Variants in VPS35L observed in about 807,000 individuals in gnomAD.
VPS35L encodes the protein VPS35 endosomal protein-sorting factor-like.
VPS35L carries 83 observed loss-of-function variants against 133.0 expected under a neutral mutation model. The ratio of observed to expected loss-of-function variants is 0.62; its 90% confidence interval spans 0.52 to 0.75. The LOEUF (loss-of-function observed/expected upper bound fraction) is 0.75, where lower values mean the gene tolerates loss of function less well. VPS35L is among the 30% of genes least tolerant of loss of function. The probability of loss-of-function intolerance (pLI) is 0.00; values close to 1 mark genes in which losing one functional copy is unlikely to be tolerated. For missense variants in VPS35L, 1,083 were observed against 1,206.8 expected (o/e 0.90, Z 1.52); for synonymous variants, 423 against 449.9 (o/e 0.94, Z 0.76).
chr16:19,695,007 GAAAA>G lies in VPS35L; in HGVS notation c.2646+3549_2646+3552del, dbSNP rs556649295. ...GGTGACAGAACGAGACTCTGTTTCAGAAAAAAAAAAAAAAAAGACAGAGCTCAAG... is the reference window on the plus strand; with the variant it reads ...GGTGACAGAACGAGACTCTGTTTCAGAAAAAAAAAAAAGACAGAGCTCAAG... On this transcript the variant is annotated intron_variant, in intron 29 of 30. Coordinates refer to ENST00000417362, the MANE Select transcript of VPS35L (RefSeq NM_020314.7). Among the ~76,000 whole-genome samples, 28 of 130,374 alleles carry G rather than the reference GAAAA, an allele frequency of 2.1e-4. No homozygotes were observed. In the East Asian group the frequency reaches 6.1e-3, roughly 28 times the overall value. 85.5% of individuals were successfully genotyped at this position (130,374 alleles called of 152,430 possible).
intron 29 of VPS35L, among the ~76,000 whole-genome samples, chr16:19,692,525 T>C (rs922032225): frequency 2.6e-5 from 4 of 152,184 alleles, no homozygotes; most frequent in Non-Finnish European, 5.9e-5. Flanking sequence ...ACTGCTACAT[T>C]GCCCTCCTCA....
chr16:19,697,188 G>A (rs540687818), intron 29 of VPS35L, among the ~76,000 whole-genome samples: 1 of 152,326 alleles, frequency 6.6e-6, no homozygotes, highest in East Asian at 1.9e-4. Flanking sequence ...CTGATGATTG[G>A]GCTCTTTGCC....
chr16:19,657,002 G>A (rs918616635), intron 26 of VPS35L, among the ~76,000 whole-genome samples: 3 of 127,780 alleles, frequency 2.3e-5, no homozygotes, highest in South Asian at 2.4e-4. Flanking sequence ...GTCCTGCTCC[G>A]TCGTCCAGGC....
At chr16:19,568,304 C>A (rs1318774856) in intron 2 of VPS35L, among the ~76,000 whole-genome samples, 1 of 151,804 alleles carries the variant, frequency 6.6e-6, no homozygotes, top group Admixed American at 6.6e-5. Flanking sequence ...AACCGCCCCC[C>A]CCTTTTTTTT....
chr16:19,588,017 C>T (rs1043666391), intron 7 of VPS35L, among the ~76,000 whole-genome samples: 1 of 151,744 alleles, frequency 6.6e-6, no homozygotes, highest in African/African-American at 2.4e-5. Flanking sequence ...CCAGGGTGGT[C>T]TCGAACTCCT....
chr16:19,661,446 G>T (rs530787929), intron 26 of VPS35L, among the ~76,000 whole-genome samples: 2 of 152,140 alleles, frequency 1.3e-5, no homozygotes, highest in South Asian at 4.1e-4. Context: ...AGACAGAGGC[G>T]TATTGAAAGC....
chr16:19,686,214 C>T (rs1975454423), intron 28 of VPS35L, among the ~76,000 whole-genome samples: 1 of 152,114 alleles, frequency 6.6e-6, no homozygotes, highest in Non-Finnish European at 1.5e-5. Flanking sequence ...CTGTTCACTT[C>T]CTCATTCTAG....
chr16:19,594,916 G>C (rs1472450631), intron 8 of VPS35L, among the ~76,000 whole-genome samples: 1 of 151,990 alleles, frequency 6.6e-6, no homozygotes, highest in African/African-American at 2.4e-5. Context: ...AAGGCGGTGA[G>C]AGGGGAGAGG....
chr16:19,609,060 TA>T, intron 11 of VPS35L, 39 bp downstream of exon 11: 1 of 1,562,578 alleles, frequency 6.4e-7, no homozygotes. Context: ...ATAAAATTTC[TA>T]AAAATCTCCC....
chr16:19,691,101 G>A (rs7184323), intron 28 of VPS35L, among the ~76,000 whole-genome samples: 16,694 of 152,188 alleles, frequency 0.11, 1,123 homozygotes, highest in African/African-American at 0.19. Flanking sequence ...TGTCACCCCC[G>A]CTCCCCGCCA....
At chr16:19,666,912 CTTTCTTTCTTTCTTT>C (rs1974693783) in intron 26 of VPS35L, among the ~76,000 whole-genome samples, 20 of 101,812 alleles carry the variant, frequency 2.0e-4, no homozygotes, top group South Asian at 3.1e-4. Flanking sequence ...TTCTTTCTTT[CTTTCTTTCTTTCTTT>C]CTTTCTTCCT....
chr16:19,661,275 T>G (rs1398076743), intron 26 of VPS35L, among the ~76,000 whole-genome samples: 1 of 152,178 alleles, frequency 6.6e-6, no homozygotes, highest in Non-Finnish European at 1.5e-5. Context: ...CCCCTCTATT[T>G]TTTTTCCTCC....
chr16:19,567,389 T>C (rs895304712), intron 2 of VPS35L, among the ~76,000 whole-genome samples: 1 of 152,158 alleles, frequency 6.6e-6, no homozygotes, highest in East Asian at 1.9e-4. Flanking sequence ...AATAAGTTGA[T>C]AGATTGGGGT....
intron 14 of VPS35L, among the ~76,000 whole-genome samples, chr16:19,623,017 G>A (rs904049261): frequency 6.6e-6 from 1 of 152,098 alleles, no homozygotes; most frequent in Non-Finnish European, 1.5e-5. Context: ...CAGGCATCAC[G>A]TCCAGAGCCG....
At chr16:19,691,806 T>G (rs1187251982) in intron 29 of VPS35L, among the ~76,000 whole-genome samples, 1 of 136,394 alleles carries the variant, frequency 7.3e-6, no homozygotes, top group Non-Finnish European at 1.5e-5. Context: ...AGTCACCGTC[T>G]GAAATGTTCT....
intron 14 of VPS35L, 195 bp downstream of exon 14, chr16:19,617,003 G>T: frequency 1.3e-6 from 1 of 797,876 alleles, no homozygotes; most frequent in Non-Finnish European, 2.1e-6. Context: ...CATTTTGACA[G>T]CTGTGGAAGG....
intron 14 of VPS35L, among the ~76,000 whole-genome samples, chr16:19,619,033 C>T (rs1343575407): frequency 1.3e-5 from 2 of 151,612 alleles, no homozygotes; most frequent in East Asian, 1.9e-4. Flanking sequence ...CAGGTTCAAG[C>T]GATTCTCATG....
intron 7 of VPS35L, among the ~76,000 whole-genome samples, chr16:19,584,094 C>T (rs559401324): frequency 1.3e-5 from 2 of 152,088 alleles, no homozygotes; most frequent in South Asian, 2.1e-4. Flanking sequence ...TTTCTTTATC[C>T]ATTCATCCAT....
intron 14 of VPS35L, among the ~76,000 whole-genome samples, chr16:19,625,301 G>A (rs1973226508): frequency 6.6e-6 from 1 of 152,286 alleles, no homozygotes; most frequent in African/African-American, 2.4e-5. Flanking sequence ...GGGTGGTTGG[G>A]AGAGGTAAGA....
Sources: allele counts gnomAD v4.1 joint callset (sites outside exome capture counted in the v4.1 genomes callset), GRCh38; gene constraint gnomAD v4.1.1; transcripts MANE v1.5; gene names NCBI Gene and HGNC (gene_info 2026-07-23, HGNC 2026-07-21).